Variants in NAA16 observed in about 807,000 individuals in gnomAD.
NAA16 encodes the protein N-alpha-acetyltransferase 16, NatA auxiliary subunit, also known as NARG1-like protein.
In NAA16, 97 loss-of-function variants were observed where a neutral mutation model predicts 110.3. The ratio of observed to expected loss-of-function variants is 0.88; its 90% CI spans 0.75 to 1.04. The LOEUF is 1.04. Among genes scored for constraint, NAA16 ranks in the 50% least tolerant of loss-of-function variants. The probability of loss-of-function intolerance (pLI) is 0.00; values close to 1 mark genes in which losing one functional copy is unlikely to be tolerated. For missense variants in NAA16, 1,017 were observed against 1,005.1 expected, an observed-to-expected ratio of 1.01 and a Z score of -0.16; for synonymous variants, 372 against 330.6, an observed-to-expected ratio of 1.13 and a Z score of -1.36.
At chr13:41,325,325 A>G (rs570833982) in intron 5 of NAA16, among the ~76,000 whole-genome samples, 62 of 152,168 alleles carry the variant, frequency 4.1e-4, no homozygotes, top group African/African-American at 1.5e-3. Context: ...CTGGAACCAA[A>G]CCCACAATAT....
At chr13:41,371,802 A>G (rs545915432) in intron 15 of NAA16, among the ~76,000 whole-genome samples, 2 of 152,236 alleles carry the variant, frequency 1.3e-5, no homozygotes, top group South Asian at 2.1e-4. Flanking sequence ...CATGTTGTTC[A>G]TGGGTCAACT....
At chr13:41,361,983 A>T (rs1204336792) in intron 12 of NAA16, 48 bp from the exon 13 acceptor site, 1 of 1,587,274 alleles carries the variant, frequency 6.3e-7, no homozygotes, top group Non-Finnish European at 8.5e-7. Context: ...GATTTTTAGG[A>T]TCTCTTTCAT....
intron 13 of NAA16, among the ~76,000 whole-genome samples, chr13:41,366,655 A>G (rs1398950009): frequency 6.6e-6 from 1 of 152,168 alleles, no homozygotes. Context: ...AGAAGTTTTT[A>G]TGCTTGTTTA....
At chr13:41,339,892 T>C (rs1593460873) in intron 9 of NAA16, among the ~76,000 whole-genome samples, 1 of 152,222 alleles carries the variant, frequency 6.6e-6, no homozygotes, top group East Asian at 1.9e-4. Flanking sequence ...CATAGGTAGG[T>C]ATTTGAAATG....
chr13:41,340,536 T>A (rs1241322419), intron 9 of NAA16, among the ~76,000 whole-genome samples: 1 of 152,108 alleles, frequency 6.6e-6, no homozygotes, highest in East Asian at 1.9e-4. Context: ...TTGTCTTTGT[T>A]CTCGTTGGTT....
chr13:41,313,274 A>C (rs1167250260), intron 1 of NAA16, among the ~76,000 whole-genome samples: 1 of 152,220 alleles, frequency 6.6e-6, no homozygotes, highest in Non-Finnish European at 1.5e-5. Flanking sequence ...TGGCCAGGCT[A>C]CTGTCGAATT....
intron 9 of NAA16, among the ~76,000 whole-genome samples, chr13:41,338,868 C>T (rs1452552765): frequency 6.6e-6 from 1 of 152,108 alleles, no homozygotes; most frequent in Non-Finnish European, 1.5e-5. Flanking sequence ...ATCGCCTGAG[C>T]AGTGTGCACT....
In NAA16 at chr13:41,376,481, A is replaced by G. The variant is rs1459117107; in HGVS notation, c.*879A>G. 6.6e-6 allele frequency: 1 copy of G among 152,184 alleles called. No homozygotes were observed. Among genetic ancestry groups the G allele is most frequent in the Non-Finnish European group, 1.5e-5 (1 of 68,030 alleles). 9.4% of individuals were successfully genotyped at this position (152,184 alleles called of 1,614,324 possible). A position where few individuals can be genotyped will look rare whatever the true frequency, so the allele number is the denominator to read the frequency against. On this transcript the variant is annotated 3_prime_UTR_variant, in exon 20 of 20. Transcript: ENST00000379406. The stretch of plus-strand genomic sequence containing the variant: ...GTGAAGGCTGGTTTGCCTGTCAGTC[A>G]TGGAAATTCACTGGTAAAATTGTTG...
At chr13:41,320,965 C>T (rs2041930519) in intron 4 of NAA16, 141 bp downstream of exon 4, 3 of 690,126 alleles carry the variant, frequency 4.3e-6, no homozygotes, top group Non-Finnish European at 6.8e-6. Context: ...TGGGACCTTC[C>T]TTCTCAGTCA....
rs1566243612 is a variant in NAA16 at position 41,320,778 on chromosome 13, A to C, written c.356A>C (p.Asp119Ala). ...LDKDNLQILR[D>A]LSLLQIQMRD... ...AAAGATAACCTGCAAATTTTGAGGG[A>C]TCTCTCACTGTTGCAGATCCAAATG... The change falls in exon 4 of 20, where the codon GAT (aspartate) becomes GCT (alanine). Residue 119 changes from aspartate (D) to alanine (A), a missense_variant. Physicochemically the swap from Asp to Ala is moderately radical, Grantham distance 126 (BLOSUM62 -2). Coordinates refer to ENST00000379406, the MANE Select transcript of NAA16 (RefSeq NM_024561.5). 2 of 1,612,980 alleles carry C rather than the reference A, an allele frequency of 1.2e-6. No homozygotes were observed. Among genetic ancestry groups the C allele is most frequent in the South Asian group, 1.1e-5 (1 of 90,768 alleles).
chr13:41,364,402 C>A (rs771269923), intron 13 of NAA16, among the ~76,000 whole-genome samples: 15 of 152,056 alleles, frequency 9.9e-5, no homozygotes, highest in Non-Finnish European at 1.9e-4. Context: ...TTCATCCCCC[C>A]CCCATAAGAT....
chr13:41,372,812 A>G lies in NAA16; in HGVS notation c.2137A>G (p.Ile713Val). The G allele has an allele frequency of 6.3e-7, 1 of 1,582,946 alleles. No individual in the cohort carries two copies. Among genetic ancestry groups the G allele is most frequent in the South Asian group, 1.2e-5 (1 of 86,816 alleles). Residue 713 changes from isoleucine (I) to valine (V), a missense_variant, in exon 17 of 20, where the codon ATT (isoleucine) becomes GTT (valine). Transcript: ENST00000379406. ...TAACCCATGGTTACATGAATGTTTA[A>G]TTAGATTTTCTAAATCTGGTAAGTA... ...SNNPWLHECL[I>V]RFSKSVSNHS...
At chr13:41,374,916 G>A (rs2043399063) in intron 19 of NAA16, 77 bp downstream of exon 19, 1 of 839,072 alleles carries the variant, frequency 1.2e-6, no homozygotes, top group Non-Finnish European at 1.9e-6. Flanking sequence ...TAATTCTTGA[G>A]TAGGCCTTCA....
chr13:41,312,153 G>A (rs940029080), intron 1 of NAA16, among the ~76,000 whole-genome samples: 85 of 152,346 alleles, frequency 5.6e-4, no homozygotes, highest in African/African-American at 1.9e-3. Flanking sequence ...AAGTTTGCCT[G>A]TTTGTAATGT....
intron 2 of NAA16, among the ~76,000 whole-genome samples, chr13:41,318,235 C>T (rs1488280446): frequency 6.7e-5 from 10 of 150,304 alleles, no homozygotes; most frequent in African/African-American, 2.0e-4. Flanking sequence ...GACAGAGTCT[C>T]GCTCTTGTTG....
At chr13:41,357,097 G>A (rs1289309166) in intron 10 of NAA16, among the ~76,000 whole-genome samples, 1 of 152,200 alleles carries the variant, frequency 6.6e-6, no homozygotes, top group Admixed American at 6.5e-5. Context: ...GAGGCAGAAA[G>A]ATCTCTTGAA....
chr13:41,354,625 TC>T (rs1186313481), intron 9 of NAA16: 1 of 152,264 alleles, frequency 6.6e-6, no homozygotes, highest in Non-Finnish European at 1.5e-5. Flanking sequence ...CTCTTACTGT[TC>T]CAATTTTGGT....
chr13:41,321,349 A>G (rs774374446), intron 4 of NAA16, among the ~76,000 whole-genome samples: 5 of 152,216 alleles, frequency 3.3e-5, no homozygotes, highest in Non-Finnish European at 7.3e-5. Flanking sequence ...TTCATTAATT[A>G]TTTAAAAATT....
intron 9 of NAA16, among the ~76,000 whole-genome samples, chr13:41,348,839 T>G (rs1047060184): frequency 6.6e-6 from 1 of 152,210 alleles, no homozygotes; most frequent in African/African-American, 2.4e-5. Flanking sequence ...TACTGGTTTA[T>G]TCAGATTTTC....
Sources: gnomAD v4.1 joint callset for allele counts (sites outside exome capture counted in the v4.1 genomes callset) on GRCh38, gnomAD v4.1.1 for gene constraint, MANE v1.5 for transcripts, NCBI Gene and HGNC (gene_info 2026-07-23, HGNC 2026-07-21) for gene names.